Variants in THOC2 observed in about 807,000 individuals in gnomAD.
The protein encoded by THOC2 is THO complex subunit 2.
THOC2 carries 10 observed loss-of-function variants against 128.4 expected under a neutral mutation model. That is an observed-to-expected ratio of 0.08 (90% CI 0.05 to 0.13). THOC2 has a LOEUF of 0.13. THOC2 is among the 10% of genes least tolerant of loss of function. THOC2 has a pLI of 1.00. For missense variants in THOC2, 535 were observed against 1,155.7 expected (o/e 0.46, Z 7.79); for synonymous variants, 393 against 396.9 (o/e 0.99, Z 0.12).
intron 38 of THOC2, chrX:123,603,096 T>C (rs1603209681): frequency 9.4e-6 from 1 of 106,647 alleles, no homozygotes; most frequent in East Asian, 2.9e-4. Context: ...AAAAAGTCAA[T>C]GTTCCAATTA....
At chrX:123,649,652 G>A (rs2048276189) in intron 12 of THOC2, among the ~76,000 whole-genome samples, 1 of 110,436 alleles carries the variant, frequency 9.1e-6, no homozygotes, top group South Asian at 3.8e-4. Context: ...AGAACTTCCT[G>A]AAGCATACAC....
At chrX:123,730,596 T>TACATCACTTTTTCTCAA (rs2052200639) in intron 1 of THOC2, among the ~76,000 whole-genome samples, 2 of 112,294 alleles carry the variant, frequency 1.8e-5, no homozygotes, top group South Asian at 7.2e-4. Context: ...TTCGATCTCC[T>TACATCACTTTTTCTCAA]ACATCACTTT....
chrX:123,659,601 G>A (rs1326522100), intron 12 of THOC2, among the ~76,000 whole-genome samples: 1 of 111,957 alleles, frequency 8.9e-6, no homozygotes, highest in African/African-American at 3.2e-5. Context: ...CAAGTCCTCT[G>A]GGTGATTACA....
intron 20 of THOC2, 40 bp from the exon 21 acceptor site, chrX:123,633,080 A>C (rs765817663): frequency 2.1e-5 from 21 of 997,501 alleles, no homozygotes; most frequent in South Asian, 1.5e-4. Flanking sequence ...TGTACAGTAC[A>C]TAACCCATGC....
chrX:123,704,239 T>C (rs1254102367), intron 3 of THOC2, among the ~76,000 whole-genome samples: 1 of 112,044 alleles, frequency 8.9e-6, no homozygotes, highest in African/African-American at 3.2e-5. Context: ...CTTTAAATGT[T>C]GTGCTCATGC....
chrX:123,705,192 T>C (rs1249788534), intron 3 of THOC2, among the ~76,000 whole-genome samples: 1 of 112,004 alleles, frequency 8.9e-6, no homozygotes, highest in Non-Finnish European at 1.9e-5. Context: ...GCTGCAGAAG[T>C]ATCTATAAAG....
At chrX:123,654,758 CAAAAAAAAAAAA>C (rs149260708) in intron 12 of THOC2, among the ~76,000 whole-genome samples, 9 of 24,370 alleles carry the variant, frequency 3.7e-4, no homozygotes, top group South Asian at 8.0e-3. Context: ...GACTCCGTCT[CAAAAAAAAAAAA>C]AAAAAAAAAA....
At chrX:123,630,725 T>A (rs781622889) in intron 22 of THOC2, among the ~76,000 whole-genome samples, 72 of 110,847 alleles carry the variant, frequency 6.5e-4, no homozygotes, top group South Asian at 1.6e-3. Flanking sequence ...AATATACATT[T>A]TCACTCTCTC....
rs1193710415 is a variant in THOC2, at chrX:123,644,646, T to C, written c.1590A>G (p.Glu530=). ...RYRLYGQWKN[E]TYNSHPLLVK... is the part of the protein sequence containing the mutation. ...CTAAAAGTGGGTGACTGTTATAAGT[T>C]TCATTCTTCCACTGGCCATACAGAC... Residue 530 remains glutamate, a synonymous_variant, in exon 15 of 39, where the codon GAA becomes GAG. Transcript: ENST00000245838. 17 of 1,204,792 alleles carry C rather than the reference T, an allele frequency of 1.4e-5. No individual in the cohort carries two copies. The highest frequency in any genetic ancestry group is 1.9e-5 in the Non-Finnish European group (17 of 892,189).
chrX:123,616,931 C>T (rs971033619), intron 33 of THOC2, among the ~76,000 whole-genome samples: 7 of 110,143 alleles, frequency 6.4e-5, no homozygotes, highest in African/African-American at 9.9e-5. Flanking sequence ...CCACAGAAAA[C>T]GCATAACTAA....
intron 4 of THOC2, among the ~76,000 whole-genome samples, chrX:123,702,305 T>G (rs1246941094): frequency 9.2e-6 from 1 of 108,854 alleles, no homozygotes; most frequent in Non-Finnish European, 1.9e-5. Flanking sequence ...AATATAATAA[T>G]GTTTGGCAAT....
intron 12 of THOC2, among the ~76,000 whole-genome samples, chrX:123,657,304 GAAGA>G (rs1465907223): frequency 2.8e-5 from 3 of 108,265 alleles, no homozygotes; most frequent in African/African-American, 1.0e-4. Context: ...AGGAAGGAAG[GAAGA>G]GAAGAAATAT....
chrX:123,722,730 T>C (rs1381370755), intron 1 of THOC2, among the ~76,000 whole-genome samples: 1 of 109,767 alleles, frequency 9.1e-6, no homozygotes, highest in Non-Finnish European at 1.9e-5. Flanking sequence ...GAACTTAAAA[T>C]TAAAAAAAAA....
intron 1 of THOC2, among the ~76,000 whole-genome samples, chrX:123,723,366 T>A (rs1040092142): frequency 9.0e-6 from 1 of 111,172 alleles, no homozygotes; most frequent in Non-Finnish European, 1.9e-5. Flanking sequence ...TACACTGAAA[T>A]AGCCTGGCAA....
At chrX:123,722,038 A>G (rs764867257) in intron 1 of THOC2, among the ~76,000 whole-genome samples, 1 of 112,108 alleles carries the variant, frequency 8.9e-6, no homozygotes, top group African/African-American at 3.2e-5. Flanking sequence ...CATTTTCTCA[A>G]AACTGAACCA....
At chrX:123,673,336 C>A (rs1012509122) in intron 8 of THOC2, among the ~76,000 whole-genome samples, 4 of 112,043 alleles carry the variant, frequency 3.6e-5, no homozygotes, top group Non-Finnish European at 7.5e-5. Flanking sequence ...GAGACTCCAT[C>A]TCAAAATAAT....
chrX:123,632,260 T>C (rs919744104), intron 21 of THOC2, among the ~76,000 whole-genome samples: 10 of 109,917 alleles, frequency 9.1e-5, no homozygotes, highest in Admixed American at 2.9e-4. Context: ...TATCATCAAC[T>C]ATAACACAAA....
At chrX:123,720,995 T>C (rs1032897516) in intron 1 of THOC2, among the ~76,000 whole-genome samples, 10 of 111,729 alleles carry the variant, frequency 9.0e-5, no homozygotes, top group African/African-American at 2.9e-4. Flanking sequence ...CTGCTAACAT[T>C]GTACTTATAG....
At chrX:123,626,155 A>T in intron 24 of THOC2, 86 bp from the exon 25 acceptor site, 1 of 639,935 alleles carries the variant, frequency 1.6e-6, no homozygotes, top group South Asian at 3.1e-5. Flanking sequence ...TATTACCTTT[A>T]GTGAAGAGAA....
Sources: allele counts gnomAD v4.1 joint callset (sites outside exome capture counted in the v4.1 genomes callset), GRCh38; gene constraint gnomAD v4.1.1; transcripts MANE v1.5; gene names NCBI Gene and HGNC (gene_info 2026-07-23, HGNC 2026-07-21).